ZNF783: variants seen among roughly 807,000 people sequenced by gnomAD.
ZNF783 encodes the protein protein ZNF783.
A neutral mutation model predicts 31.3 loss-of-function variants in ZNF783; 25 were observed. The ratio of observed to expected loss-of-function variants is 0.80; its 90% CI spans 0.58 to 1.11. ZNF783 has a LOEUF of 1.11. ZNF783 is among the 50% of genes most tolerant of loss of function. The pLI, the probability that ZNF783 is intolerant of heterozygous loss-of-function variation, is 0.00. For missense variants in ZNF783, 797 were observed against 760.0 expected, an observed-to-expected ratio of 1.05 and a Z score of -0.57; for synonymous variants, 369 against 319.1, an observed-to-expected ratio of 1.16 and a Z score of -1.66.
Position 149,281,587 on chromosome 7 carries a change from C to A in ZNF783, c.885C>A (p.Gly295=). The A allele has an allele frequency of 6.5e-7, 1 of 1,534,972 alleles. No homozygotes were observed. The part of the protein sequence containing the change: ...PERLFLGVSR[G]QTECRIPRGP... ...GGCTCTTTCTGGGGGTGTCCCGAGG[C>A]CAGACCGAGTGTAGAATCCCCCGAG... Residue 295 remains glycine, a synonymous_variant, in exon 6 of 6, where the codon GGC becomes GGA. Transcript: ENST00000434415.
intron 5 of ZNF783, among the ~76,000 whole-genome samples, chr7:149,279,654 T>TTATTTTTTTTTTTTTTTTTTTTTA (rs1554479776): frequency 7.8e-6 from 1 of 128,338 alleles, no homozygotes; most frequent in African/African-American, 2.8e-5. Context: ...TTTTTTTTTT[T>TTATTTTTTTTTTTTTTTTTTTTTA]AATTTTTTTT....
chr7:149,276,359 C>T, intron 4 of ZNF783: 2 of 989,198 alleles, frequency 2.0e-6, no homozygotes, highest in Non-Finnish European at 2.4e-6. Context: ...TAGGAAGGAT[C>T]CAAAGATGAA....
rs1796945249 is a variant in ZNF783, at chr7:149,262,357, G to A, written c.24G>A (p.Arg8=). 2 of 1,318,720 alleles carry A rather than the reference G, an allele frequency of 1.5e-6. No individual in the cohort carries two copies. The highest frequency in any genetic ancestry group is 1.9e-5 in the South Asian group (1 of 52,430). 81.7% of individuals were successfully genotyped at this position (1,318,720 alleles called of 1,614,324 possible). A position where few individuals can be genotyped will look rare whatever the true frequency, so the allele number is the denominator to read the frequency against. The change falls in exon 1 of 6, where the codon CGG becomes CGA. Residue 8 remains arginine, a splice_region_variant and synonymous_variant. Transcript: ENST00000434415. MAEAAPA[R]DPETDKHTED... ...CCATGGCCGAAGCGGCGCCTGCCCG[G>A]GTAAGCGCCCTCGGCCCCGCGGACG... is the stretch of plus-strand genomic sequence containing the variant.
rs190879242 is a variant in ZNF783 at position 149,269,094 on chromosome 7, G to C, written c.673+1872G>C. Among the ~76,000 whole-genome samples, 515 of 152,246 alleles carry C rather than the reference G, an allele frequency of 3.4e-3. 1 individual carries two copies. The highest frequency in any genetic ancestry group is 7.2e-3 in the Admixed American group (110 of 15,272). On this transcript the variant is annotated intron_variant, in intron 4 of 5. Coordinates refer to ENST00000434415, the MANE Select transcript of ZNF783 (RefSeq NM_001195220.2). The stretch of plus-strand genomic sequence containing the variant: ...GTATAGGCATTCCATTTTCTCTACA[G>C]CCTCACCAGCATCTGACGGTTTTTG...
chr7:149,267,900 T>C (rs533121316), intron 4 of ZNF783, among the ~76,000 whole-genome samples: 3 of 152,294 alleles, frequency 2.0e-5, no homozygotes, highest in Admixed American at 1.3e-4. Context: ...GTGTCCCCTA[T>C]TGCAGTCCCA....
At position 149,267,203 on chromosome 7, in the gene ZNF783, T is replaced by C; in HGVS notation, c.654T>C (p.Arg218=). 1 of 1,596,850 alleles carries C rather than the reference T, an allele frequency of 6.3e-7. No homozygotes were observed. The highest frequency in any genetic ancestry group is 8.5e-7 in the Non-Finnish European group (1 of 1,178,458). The change falls in exon 4 of 6, where the codon CGT becomes CGC. Residue 218 remains arginine (R), a synonymous_variant. Transcript: ENST00000434415. ...QEKGNEVEVG[R]PRMMGTGLPP... ...AGGGGAATGAAGTAGAGGTGGGACGTCCAAGGATGATGGGCACTGGTAAGT... is the reference window on the plus strand; with the variant it reads ...AGGGGAATGAAGTAGAGGTGGGACGCCCAAGGATGATGGGCACTGGTAAGT...
chr7:149,262,725 G>C (rs1796959216), intron 1 of ZNF783, among the ~76,000 whole-genome samples: 1 of 152,234 alleles, frequency 6.6e-6, no homozygotes, highest in Admixed American at 6.5e-5. Context: ...CAGCCCCACG[G>C]GACAGTAGCG....
At chr7:149,279,437 C>A (rs1234858136) in intron 5 of ZNF783, among the ~76,000 whole-genome samples, 1 of 152,190 alleles carries the variant, frequency 6.6e-6, no homozygotes, top group Non-Finnish European at 1.5e-5. Flanking sequence ...CTTCGTAGCT[C>A]TTGTCTCACC....
chr7:149,262,759 GC>G (rs1372070130), intron 1 of ZNF783, among the ~76,000 whole-genome samples: 1 of 152,266 alleles, frequency 6.6e-6, no homozygotes, highest in Non-Finnish European at 1.5e-5. Context: ...GAAGGGACAG[GC>G]CCAGGGTCAC....
intron 4 of ZNF783, among the ~76,000 whole-genome samples, chr7:149,271,299 C>G (rs751228375): frequency 3.3e-5 from 5 of 152,312 alleles, no homozygotes; most frequent in South Asian, 2.1e-4. Flanking sequence ...AAATTCTCAA[C>G]GAAATTTGCA....
chr7:149,272,903 C>A (rs1010012026), intron 4 of ZNF783, among the ~76,000 whole-genome samples: 5 of 151,492 alleles, frequency 3.3e-5, no homozygotes, highest in African/African-American at 1.2e-4. Context: ...TTCCCCCAAC[C>A]CTTCCCAGCC....
chr7:149,271,849 T>G (rs1305356576), intron 4 of ZNF783, among the ~76,000 whole-genome samples: 1 of 152,208 alleles, frequency 6.6e-6, no homozygotes, highest in African/African-American at 2.4e-5. Flanking sequence ...GTACAGATCT[T>G]CCTCAGTTCT....
At chr7:149,268,773 G>A (rs1262139120) in intron 4 of ZNF783, among the ~76,000 whole-genome samples, 1 of 152,176 alleles carries the variant, frequency 6.6e-6, no homozygotes, top group South Asian at 2.1e-4. Flanking sequence ...CACAGGACAT[G>A]ATTTCATTCG....
chr7:149,275,351 T>C lies in ZNF783; in HGVS notation c.674-3048T>C, dbSNP rs528499389. Among the ~76,000 whole-genome samples the C allele has an allele frequency of 3.8e-4, 58 of 151,962 alleles. 1 individual carries two copies. In the East Asian group the frequency reaches 0.01, roughly 27 times the overall value. On this transcript the variant is annotated intron_variant, in intron 4 of 5. Transcript: ENST00000434415. Reference sequence around the variant, plus strand: ...TTTTTTAGACGGAGTTTCGCTCTGTTGCCTAGGCTGGAGTGCAGTGGCGCG... The same window carrying C: ...TTTTTTAGACGGAGTTTCGCTCTGTCGCCTAGGCTGGAGTGCAGTGGCGCG...
intron 1 of ZNF783, among the ~76,000 whole-genome samples, chr7:149,262,629 G>A (rs927548837): frequency 3.3e-5 from 5 of 152,208 alleles, no homozygotes; most frequent in African/African-American, 9.6e-5. Context: ...GTCACGCTCG[G>A]CGACGAGGAG....
At chr7:149,279,449 C>T (rs1272085182) in intron 5 of ZNF783, among the ~76,000 whole-genome samples, 2 of 152,204 alleles carry the variant, frequency 1.3e-5, no homozygotes, top group East Asian at 1.9e-4. Flanking sequence ...TGTCTCACCT[C>T]TGAAGCCCTC....
chr7:149,269,061 TCAA>T (rs1797152143), intron 4 of ZNF783, among the ~76,000 whole-genome samples: 1 of 152,206 alleles, frequency 6.6e-6, no homozygotes, highest in Admixed American at 6.5e-5. Context: ...TACATTCCCA[TCAA>T]CAGTGTATAG....
In ZNF783 at chr7:149,281,875, G is replaced by A. The variant is rs749237898; in HGVS notation, c.1173G>A (p.Gln391=). Residue 391 remains glutamine (Q), a synonymous_variant, in exon 6 of 6, where the codon CAG becomes CAA. Coordinates refer to ENST00000434415, the MANE Select transcript of ZNF783 (RefSeq NM_001195220.2). ...CGCCCACCAGCTGCGGGGACAGCCA[G>A]GCCATGCTGGAGCCGGGGGAGGTGG... ...GRSPTSCGDS[Q]AMLEPGEVVV... The A allele has an allele frequency of 6.6e-7, 1 of 1,508,042 alleles. No individual in the cohort carries two copies. The highest frequency in any genetic ancestry group is 8.8e-7 in the Non-Finnish European group (1 of 1,135,492). The allele number at this position is 1,508,042 out of a possible 1,614,324, so 93.4% of individuals were successfully genotyped here. A position where few individuals can be genotyped will look rare whatever the true frequency, so the allele number is the denominator to read the frequency against.
At chr7:149,279,656 AT>A (rs1162140200) in intron 5 of ZNF783, among the ~76,000 whole-genome samples, 16 of 99,890 alleles carry the variant, frequency 1.6e-4, no homozygotes, top group Admixed American at 2.9e-4. Context: ...TTTTTTTTTA[AT>A]TTTTTTTTTT....
Sources: gnomAD v4.1 joint callset for allele counts (sites outside exome capture counted in the v4.1 genomes callset) on GRCh38, gnomAD v4.1.1 for gene constraint, MANE v1.5 for transcripts, NCBI Gene and HGNC (gene_info 2026-07-23, HGNC 2026-07-21) for gene names.